Variants in GRHL2 observed in about 807,000 individuals in gnomAD.
The protein encoded by GRHL2 is grainyhead-like protein 2 homolog.
Under a neutral mutation model 83.8 loss-of-function variants are expected in GRHL2, and 21 were observed. That is an observed-to-expected ratio of 0.25 (90% confidence interval 0.18 to 0.36). GRHL2 has a LOEUF of 0.36. GRHL2 is among the 10% of genes least tolerant of loss of function. The pLI, the probability that GRHL2 is intolerant of heterozygous loss-of-function variation, is 1.00. For missense variants in GRHL2, 623 were observed against 781.8 expected, an observed-to-expected ratio of 0.80 and a Z score of 2.42; for synonymous variants, 280 against 278.9, an observed-to-expected ratio of 1.00 and a Z score of -0.04.
intron 7 of GRHL2, among the ~76,000 whole-genome samples, chr8:101,595,132 T>C (rs1189507249): frequency 6.6e-6 from 1 of 152,210 alleles, no homozygotes; most frequent in East Asian, 1.9e-4. Context: ...TTCTCAAGCA[T>C]GAGGACACTG....
At position 101,543,224 on chromosome 8, in the gene GRHL2, T is replaced by C. The variant is rs1489731780; in HGVS notation, c.21-17T>C. 6.2e-7 allele frequency: 1 copy of C among 1,608,480 alleles called. No individual in the cohort carries two copies. The highest frequency in any genetic ancestry group is 8.5e-7 in the Non-Finnish European group (1 of 1,174,858). ...CTCTCTCTGAAAATGAACCTCACAT[T>C]TCTCTTGTTTTTACAGTAATAAAAG... On this transcript the variant is annotated splice_polypyrimidine_tract_variant and intron_variant, in intron 1 of 15. Transcript: ENST00000646743.
At chr8:101,509,224 T>TCTCTCTTTCTTTCTTTCTTC (rs1810415839) in intron 1 of GRHL2, among the ~76,000 whole-genome samples, 1 of 143,288 alleles carries the variant, frequency 7.0e-6, no homozygotes, top group Non-Finnish European at 1.5e-5. Flanking sequence ...TGTGTGTGTG[T>TCTCTCTTTCTTTCTTTCTTC]GTGTGTGTGT....
At chr8:101,577,066 A>C (rs1160207106) in intron 6 of GRHL2, among the ~76,000 whole-genome samples, 3 of 152,150 alleles carry the variant, frequency 2.0e-5, no homozygotes, top group Admixed American at 1.3e-4. Context: ...GCTTGTTTCC[A>C]ATACAAGAAA....
chr8:101,556,873 T>C (rs1470197108), intron 3 of GRHL2, among the ~76,000 whole-genome samples: 1 of 152,202 alleles, frequency 6.6e-6, no homozygotes, highest in African/African-American at 2.4e-5. Context: ...AATTACCATG[T>C]TTGTCCTCCT....
At chr8:101,640,898 T>C (rs546536005) in intron 12 of GRHL2, among the ~76,000 whole-genome samples, 201 of 152,332 alleles carry the variant, frequency 1.3e-3, no homozygotes, top group African/African-American at 4.2e-3. Context: ...GCACACCACA[T>C]ACCATGATCT....
In GRHL2 at chr8:101,561,794, G is replaced by A. The variant is rs527530949; in HGVS notation, c.678+2982G>A. Among the ~76,000 whole-genome samples the A allele has an allele frequency of 3.9e-5, 6 of 152,276 alleles. No individual in the cohort carries two copies. In the East Asian group the frequency reaches 1.2e-3, roughly 29 times the overall value. On this transcript the variant is annotated intron_variant, in intron 4 of 15. Coordinates refer to ENST00000646743, the MANE Select transcript of GRHL2 (RefSeq NM_024915.4). The stretch of plus-strand genomic sequence containing the variant: ...TTTAAGTAGAATTTTCATGATTTAT[G>A]TAAGTACATCTATCAGTAAAGATTT...
At chr8:101,524,236 C>A (rs1463475316) in intron 1 of GRHL2, among the ~76,000 whole-genome samples, 1 of 152,098 alleles carries the variant, frequency 6.6e-6, no homozygotes, top group Non-Finnish European at 1.5e-5. Flanking sequence ...AAATTGTCTT[C>A]CTTTTCTAAT....
At chr8:101,656,945 T>C (rs913797405) in intron 14 of GRHL2, among the ~76,000 whole-genome samples, 1 of 149,704 alleles carries the variant, frequency 6.7e-6, no homozygotes, top group Non-Finnish European at 1.5e-5. Flanking sequence ...AGAGGCAGAC[T>C]GTGTTTCCCC....
At chr8:101,664,851 G>A (rs1055138103) in intron 15 of GRHL2, among the ~76,000 whole-genome samples, 4 of 152,184 alleles carry the variant, frequency 2.6e-5, no homozygotes, top group Non-Finnish European at 4.4e-5. Flanking sequence ...AGGGAATCAC[G>A]TATGGCCCTT....
Position 101,667,120 on chromosome 8 carries a change from G to A in GRHL2, c.*417G>A, listed in dbSNP as rs935625716. On this transcript the variant is annotated 3_prime_UTR_variant, in exon 16 of 16. Transcript: ENST00000646743. ...TCTCACCCCTCCATATCTATCTCCC[G>A]AGTGGCTGGACAAAATGAGCTACGT... 3.8e-6 allele frequency: 1 copy of A among 263,816 alleles called. No individual in the cohort carries two copies. Among genetic ancestry groups the A allele is most frequent in the Non-Finnish European group, 7.5e-6 (1 of 132,882 alleles). The allele number at this position is 263,816 out of a possible 1,614,324, so 16.3% of individuals were successfully genotyped here.
At chr8:101,632,477 A>G in intron 11 of GRHL2, 112 bp downstream of exon 11, 3 of 1,290,464 alleles carry the variant, frequency 2.3e-6, no homozygotes, top group East Asian at 2.3e-5. Flanking sequence ...CCTTCCATTC[A>G]CTAGAGAAAA....
intron 14 of GRHL2, among the ~76,000 whole-genome samples, chr8:101,652,613 G>GT (rs569391544): frequency 0.32 from 38,736 of 121,300 alleles, 8,265 homozygotes; most frequent in African/African-American, 0.58. Flanking sequence ...GTGTGTGTGT[G>GT]GTGTGTGTGT....
chr8:101,535,945 G>T lies in GRHL2; in HGVS notation c.21-7296G>T, dbSNP rs566022005. On this transcript the variant is annotated intron_variant, in intron 1 of 15. Coordinates refer to ENST00000646743, the MANE Select transcript of GRHL2 (RefSeq NM_024915.4). ...TAGGCTGTGAAAATTTTTAGCAAAG[G>T]GAGGCCCTGAAAGATTAAAATAGGG... Among the ~76,000 whole-genome samples the T allele has an allele frequency of 2.0e-5, 3 of 152,268 alleles. No individual in the cohort carries two copies. In the South Asian group the frequency reaches 6.2e-4, roughly 32 times the overall value.
intron 1 of GRHL2, among the ~76,000 whole-genome samples, chr8:101,501,749 T>A (rs933500206): frequency 2.0e-5 from 3 of 152,198 alleles, no homozygotes; most frequent in Admixed American, 2.0e-4. Context: ...TGAGCAAGTA[T>A]AGGATTTTGA....
intron 12 of GRHL2, 60 bp from the exon 13 acceptor site, chr8:101,644,071 T>C (rs1813458452): frequency 1.4e-6 from 2 of 1,386,126 alleles, no homozygotes; most frequent in Non-Finnish European, 2.1e-6. Context: ...GACACACATG[T>C]GAACGTGTGT....
rs753923477 is a variant in GRHL2 at position 101,649,540 on chromosome 8, T to C, written c.1698+41T>C. The C allele has an allele frequency of 6.2e-6, 9 of 1,454,318 alleles. No homozygotes were observed. The Admixed American group carries it at 8.5e-5, about 14-fold the overall frequency. The allele number at this position is 1,454,318 out of a possible 1,614,324, so 90.1% of individuals were successfully genotyped here. On this transcript the variant is annotated intron_variant, in intron 14 of 15. Coordinates refer to ENST00000646743, the MANE Select transcript of GRHL2 (RefSeq NM_024915.4). ...CTTTCAGCCTCCAGGAAACCTGCTG[T>C]GTTCTCTCTCCTCTGGAATCCATGT...
At chr8:101,680,704 A>G in the GRHL2 span, among the ~76,000 whole-genome samples, 1 of 130,142 alleles carries the variant, frequency 7.7e-6, no homozygotes, top group Non-Finnish European at 1.6e-5. Flanking sequence ...AATGTAAAAG[A>G]ACAGAGATTA....
chr8:101,531,451 A>G (rs1182994860), intron 1 of GRHL2, among the ~76,000 whole-genome samples: 2 of 152,188 alleles, frequency 1.3e-5, no homozygotes, highest in African/African-American at 2.4e-5. Context: ...TGGATGCTCA[A>G]TAAGTAGTAT....
intron 1 of GRHL2, among the ~76,000 whole-genome samples, chr8:101,522,442 T>A (rs1810704350): frequency 6.6e-6 from 1 of 152,246 alleles, no homozygotes; most frequent in Non-Finnish European, 1.5e-5. Flanking sequence ...CCATTTTATA[T>A]ACGACACTTG....
Sources: gnomAD v4.1 joint callset for allele counts (sites outside exome capture counted in the v4.1 genomes callset) on GRCh38, gnomAD v4.1.1 for gene constraint, MANE v1.5 for transcripts, NCBI Gene and HGNC (gene_info 2026-07-23, HGNC 2026-07-21) for gene names.